PHEX: variants seen among roughly 807,000 people sequenced by gnomAD.
PHEX encodes the protein phosphate regulating endopeptidase X-linked.
PHEX carries 16 observed loss-of-function variants against 68.0 expected under a neutral mutation model. The observed-to-expected ratio is 0.24, with a 90% CI of 0.16 to 0.36. PHEX has a LOEUF of 0.36. Ranked by LOEUF, PHEX falls within the 10% of genes least tolerant of loss-of-function variation. The probability of loss-of-function intolerance (pLI) is 1.00; values close to 1 mark genes in which losing one functional copy is unlikely to be tolerated. For missense variants in PHEX, 480 were observed against 575.5 expected (o/e 0.83, Z 1.70); for synonymous variants, 208 against 205.1 (o/e 1.01, Z -0.12).
chrX:22,129,502 G>A (rs191350616), intron 11 of PHEX, among the ~76,000 whole-genome samples: 3 of 111,383 alleles, frequency 2.7e-5, no homozygotes, highest in East Asian at 5.7e-4. Flanking sequence ...AAAGACCCAC[G>A]TTTATACTAG....
intron 20 of PHEX, among the ~76,000 whole-genome samples, chrX:22,228,097 C>G (rs1206623961): frequency 9.0e-6 from 1 of 111,691 alleles, no homozygotes; most frequent in Admixed American, 9.5e-5. Context: ...AGAACAAAGG[C>G]AAGGAGAGTC....
Position 22,032,998 on chromosome X carries a change from C to T in PHEX, c.-8C>T. On this transcript the variant is annotated 5_prime_UTR_variant, in exon 1 of 22. Coordinates refer to ENST00000379374, the MANE Select transcript of PHEX (RefSeq NM_000444.6). ...CTTTCTTCTCGTGTGCTCTCTACGG[C>T]CCTTCTGATGGAAGCAGAAACAGGG... The T allele has an allele frequency of 7.7e-6, 9 of 1,175,206 alleles. No individual in the cohort carries two copies. The highest frequency in any genetic ancestry group is 1.0e-5 in the Non-Finnish European group (9 of 862,714).
chrX:22,116,248 G>A lies in PHEX; in HGVS notation c.1302+1662G>A, dbSNP rs768234661. The stretch of plus-strand genomic sequence containing the variant: ...TTCATAAACCTCCTGTTTATGTGTC[G>A]TCTTTGGAAAAATGTCTATTCAGAT... On this transcript the variant is annotated intron_variant, in intron 11 of 21. Coordinates refer to ENST00000379374, the MANE Select transcript of PHEX (RefSeq NM_000444.6). Among the ~76,000 whole-genome samples the A allele has an allele frequency of 9.0e-5, 10 of 111,637 alleles. No individual in the cohort carries two copies. In the East Asian group the frequency reaches 1.1e-3, roughly 13 times the overall value.
In PHEX at chrX:22,049,369, C is replaced by A. The variant is rs189072945; in HGVS notation, c.349+2158C>A. ...CCTCAAGTGATTGGCCTGCCTCAGC[C>A]TCCCAAAGTGCTGGGGTTACAGGCA... On this transcript the variant is annotated intron_variant, in intron 3 of 21. Coordinates refer to ENST00000379374, the MANE Select transcript of PHEX (RefSeq NM_000444.6). 5.7e-3 allele frequency among the ~76,000 whole-genome samples: 630 copies of A among 110,503 alleles called. 7 individuals carry two copies. Among genetic ancestry groups the A allele is most frequent in the African/African-American group, 0.019 (588 of 30,430 alleles).
chrX:22,036,824 G>A (rs191540609), intron 1 of PHEX, among the ~76,000 whole-genome samples: 471 of 108,555 alleles, frequency 4.3e-3, no homozygotes, highest in African/African-American at 0.015. Context: ...TGGGCCAGGC[G>A]CAGTGGCTCA....
At chrX:22,087,059 A>G (rs1248874600) in intron 5 of PHEX, among the ~76,000 whole-genome samples, 1 of 111,981 alleles carries the variant, frequency 8.9e-6, no homozygotes, top group Non-Finnish European at 1.9e-5. Flanking sequence ...GGTGTGTTTA[A>G]AATGTTCCCT....
At chrX:22,184,854 C>T (rs1933981200) in intron 14 of PHEX, among the ~76,000 whole-genome samples, 1 of 111,973 alleles carries the variant, frequency 8.9e-6, no homozygotes, top group East Asian at 2.8e-4. Flanking sequence ...TATGTTCCTG[C>T]CCAGAACTTT....
chrX:22,145,266 C>G (rs780697005), intron 12 of PHEX, among the ~76,000 whole-genome samples: 1 of 111,815 alleles, frequency 8.9e-6, no homozygotes, highest in African/African-American at 3.3e-5. Context: ...CAGGCCACAC[C>G]CCATATGAAG....
At chrX:22,155,714 T>C (rs908412101) in intron 12 of PHEX, among the ~76,000 whole-genome samples, 1 of 112,303 alleles carries the variant, frequency 8.9e-6, no homozygotes, top group African/African-American at 3.2e-5. Flanking sequence ...CAGCTAATTA[T>C]AGAATTATTT....
intron 5 of PHEX, among the ~76,000 whole-genome samples, chrX:22,089,577 T>C (rs1355950627): frequency 1.8e-5 from 2 of 109,187 alleles, no homozygotes; most frequent in African/African-American, 6.7e-5. Context: ...CACGCTACCA[T>C]ACCTGGCTAA....
At chrX:22,227,234 AGG>A (rs944836871) in intron 19 of PHEX, among the ~76,000 whole-genome samples, 3 of 112,545 alleles carry the variant, frequency 2.7e-5, no homozygotes, top group African/African-American at 9.7e-5. Flanking sequence ...GTCCCCTGCT[AGG>A]AATGGAAAGA....
rs938614033 is a variant in PHEX at position 22,139,199 on chromosome X, A to T, written c.1404+5575A>T. ...GGATTAAAAGAGCCACTGTGCCTAA[A>T]GTACTTATAAGAATGCCTGGAGCAT... On this transcript the variant is annotated intron_variant, in intron 12 of 21. Transcript: ENST00000379374. 3.6e-5 allele frequency among the ~76,000 whole-genome samples: 4 copies of T among 111,634 alleles called. No homozygotes were observed. The East Asian group carries it at 1.1e-3, about 31-fold the overall frequency.
intron 12 of PHEX, among the ~76,000 whole-genome samples, chrX:22,159,294 T>C (rs2147109811): frequency 8.8e-6 from 1 of 113,357 alleles, no homozygotes; most frequent in African/African-American, 3.2e-5. Flanking sequence ...ATATTTGGCA[T>C]TCTGCCTGTT....
chrX:22,241,587 C>T lies in PHEX; in HGVS notation c.2071-3746C>T, dbSNP rs183859488. 2.0e-3 allele frequency among the ~76,000 whole-genome samples: 222 copies of T among 110,879 alleles called. 2 individuals carry two copies. Among genetic ancestry groups the T allele is most frequent in the African/African-American group, 5.1e-3 (156 of 30,531 alleles). ...TAGACGCAATAAAAAATGATAAAGG[C>T]GACATCACCACCGATCCCACAGAAA... On this transcript the variant is annotated intron_variant, in intron 20 of 21. Transcript: ENST00000379374.
intron 14 of PHEX, among the ~76,000 whole-genome samples, chrX:22,187,914 G>A (rs1602371508): frequency 8.9e-6 from 1 of 111,751 alleles, no homozygotes; most frequent in Non-Finnish European, 1.9e-5. Context: ...ACCAGGCCTC[G>A]TACAAGCACA....
rs182513471 is a variant in PHEX at position 22,209,680 on chromosome X, C to T, written c.1646-3224C>T. On this transcript the variant is annotated intron_variant, in intron 15 of 21. Coordinates refer to ENST00000379374, the MANE Select transcript of PHEX (RefSeq NM_000444.6). ...ACGTCTCTCTCCTTCCTCTCCCTCC[C>T]TCTCCTCCCTCTCCTCCCTCTCCCT... 1.2e-4 allele frequency among the ~76,000 whole-genome samples: 13 copies of T among 104,989 alleles called. No homozygotes were observed. The East Asian group carries it at 3.4e-3, about 27-fold the overall frequency. The allele number at this position is 104,989 out of a possible 115,157, so 91.2% of individuals were successfully genotyped here.
rs1446526598 is a variant in PHEX at position 22,114,455 on chromosome X, C to T, written c.1174-3C>T. The stretch of plus-strand genomic sequence containing the variant: ...TTTAATCTGGATCAATTATCTCCCA[C>T]AGGTAATCCAGGGGACCACAACTTT... On this transcript the variant is annotated splice_polypyrimidine_tract_variant and splice_region_variant and intron_variant, in intron 10 of 21. Transcript: ENST00000379374. 1 of 1,201,049 alleles carries T rather than the reference C, an allele frequency of 8.3e-7. No homozygotes were observed. Among genetic ancestry groups the T allele is most frequent in the Non-Finnish European group, 1.1e-6 (1 of 887,366 alleles).
At chrX:22,187,352 A>G (rs1934063816) in intron 14 of PHEX, among the ~76,000 whole-genome samples, 1 of 111,619 alleles carries the variant, frequency 9.0e-6, no homozygotes, top group Non-Finnish European at 1.9e-5. Context: ...TTGTTCTCAG[A>G]GGGATTTATG....
rs1934825003 is a variant in PHEX at position 22,209,614 on chromosome X, C to T, written c.1646-3290C>T. Among the ~76,000 whole-genome samples, 6 of 109,903 alleles carry T rather than the reference C, an allele frequency of 5.5e-5. No homozygotes were observed. In the Admixed American group the frequency reaches 5.9e-4, roughly 11 times the overall value. On this transcript the variant is annotated intron_variant, in intron 15 of 21. Coordinates refer to ENST00000379374, the MANE Select transcript of PHEX (RefSeq NM_000444.6). The stretch of plus-strand genomic sequence containing the variant: ...GCTTCCTACACCTTGGCCAATATTA[C>T]CTATTATCACATTTATTAACTTTTG...
Sources: allele counts gnomAD v4.1 joint callset (sites outside exome capture counted in the v4.1 genomes callset), GRCh38; gene constraint gnomAD v4.1.1; transcripts MANE v1.5; gene names NCBI Gene and HGNC (gene_info 2026-07-23, HGNC 2026-07-21).